The following CNTNAP4 variants were observed in gnomAD, a reference collection of about 807,000 sequenced individuals.
CNTNAP4 encodes contactin-associated protein-like 4.
Under a neutral mutation model 148.4 loss-of-function variants are expected in CNTNAP4, and 98 were observed. That is an observed-to-expected ratio of 0.66 (90% CI 0.56 to 0.78). The LOEUF (loss-of-function observed/expected upper bound fraction) is 0.78. Among genes scored for constraint, CNTNAP4 ranks in the 30% least tolerant of loss-of-function variants. The pLI, the probability that CNTNAP4 is intolerant of heterozygous loss-of-function variation, is 0.00. For synonymous variants in CNTNAP4, 730 were observed against 565.1 expected (o/e 1.29, Z -4.14); for missense variants, 1,935 against 1,565.6 (o/e 1.24, Z -3.98).
At chr16:76,529,078 G>A (rs550330185) in intron 17 of CNTNAP4, among the ~76,000 whole-genome samples, 2 of 152,276 alleles carry the variant, frequency 1.3e-5, no homozygotes, top group African/African-American at 4.8e-5. Flanking sequence ...GAGCAGCAAC[G>A]CAATGAACAT....
intron 13 of CNTNAP4, among the ~76,000 whole-genome samples, chr16:76,491,305 G>A (rs550348229): frequency 2.6e-5 from 4 of 152,338 alleles, no homozygotes; most frequent in African/African-American, 9.6e-5. Flanking sequence ...AGGATTTACA[G>A]CTGGAGGTGT....
intron 3 of CNTNAP4, among the ~76,000 whole-genome samples, chr16:76,377,013 G>C (rs1168003499): frequency 6.6e-6 from 1 of 151,310 alleles, no homozygotes; most frequent in Non-Finnish European, 1.5e-5. Flanking sequence ...TTAAGGAGTT[G>C]GCTCGTGCAA....
At chr16:76,461,123 CT>C (rs1211777723) in intron 8 of CNTNAP4, among the ~76,000 whole-genome samples, 1 of 152,078 alleles carries the variant, frequency 6.6e-6, no homozygotes, top group Non-Finnish European at 1.5e-5. Context: ...ACATCACAGC[CT>C]TCTTGCTCTT....
intron 1 of CNTNAP4, among the ~76,000 whole-genome samples, chr16:76,290,516 G>C (rs1421393712): frequency 6.6e-6 from 1 of 152,148 alleles, no homozygotes; most frequent in Non-Finnish European, 1.5e-5. Context: ...TTTCTCCTCT[G>C]AGTGTACACT....
At chr16:76,541,092 A>G (rs1476281183) in intron 21 of CNTNAP4, among the ~76,000 whole-genome samples, 2 of 152,230 alleles carry the variant, frequency 1.3e-5, no homozygotes, top group African/African-American at 2.4e-5. Context: ...AATTGAAAAT[A>G]AAAAATAACA....
intron 3 of CNTNAP4, among the ~76,000 whole-genome samples, chr16:76,381,543 C>A (rs746973932): frequency 2.0e-5 from 3 of 152,046 alleles, no homozygotes; most frequent in Admixed American, 6.6e-5. Flanking sequence ...TTCAGGTGAT[C>A]GTCAATTTCA....
intron 3 of CNTNAP4, among the ~76,000 whole-genome samples, chr16:76,375,708 C>T (rs1415419000): frequency 6.6e-6 from 1 of 152,158 alleles, no homozygotes; most frequent in African/African-American, 2.4e-5. Flanking sequence ...ACATCATGAA[C>T]ACATTGTCTC....
chr16:76,410,191 G>C (rs764529881), intron 3 of CNTNAP4, among the ~76,000 whole-genome samples: 12 of 151,758 alleles, frequency 7.9e-5, no homozygotes, highest in Middle Eastern at 3.4e-3. Context: ...AGGGCTTGAA[G>C]GGAGTATTAA....
chr16:76,547,313 T>C (rs1440642496), intron 21 of CNTNAP4, among the ~76,000 whole-genome samples: 2 of 152,212 alleles, frequency 1.3e-5, no homozygotes, highest in Non-Finnish European at 2.9e-5. Context: ...CATAATCTTA[T>C]TAAAGTTGTA....
At chr16:76,513,611 A>T (rs888313030) in intron 15 of CNTNAP4, among the ~76,000 whole-genome samples, 1 of 152,168 alleles carries the variant, frequency 6.6e-6, no homozygotes, top group Non-Finnish European at 1.5e-5. Flanking sequence ...TTTTCTATAC[A>T]TGGAAAAATA....
chr16:76,277,851 C>T, intron 1 of CNTNAP4, 104 bp downstream of exon 1: 5 of 752,850 alleles, frequency 6.6e-6, no homozygotes, highest in Middle Eastern at 2.3e-4. Flanking sequence ...TGCTGCAAAG[C>T]GTATTGCTGT....
chr16:76,334,008 A>G (rs1027224132), intron 2 of CNTNAP4, among the ~76,000 whole-genome samples: 52 of 151,806 alleles, frequency 3.4e-4, no homozygotes, highest in Admixed American at 5.9e-4. Flanking sequence ...CTGATGGCCA[A>G]TGATGATGAG....
At chr16:76,451,524 G>T (rs1447408862) in intron 7 of CNTNAP4, among the ~76,000 whole-genome samples, 1 of 151,462 alleles carries the variant, frequency 6.6e-6, no homozygotes, top group Non-Finnish European at 1.5e-5. Context: ...GACCACAACA[G>T]CCAGCAAGAT....
At chr16:76,361,208 A>G (rs1032440349) in intron 3 of CNTNAP4, among the ~76,000 whole-genome samples, 4 of 152,138 alleles carry the variant, frequency 2.6e-5, no homozygotes, top group Non-Finnish European at 5.9e-5. Flanking sequence ...AATACTGTTC[A>G]CTATAAGCAC....
intron 13 of CNTNAP4, among the ~76,000 whole-genome samples, chr16:76,490,580 A>ATC (rs1363245211): frequency 3.9e-5 from 6 of 152,188 alleles, no homozygotes; most frequent in Admixed American, 1.3e-4. Flanking sequence ...CTAGCTTGTC[A>ATC]TCTCTTCACA....
At chr16:76,450,048 ATTATT>A (rs756995177) in intron 7 of CNTNAP4, among the ~76,000 whole-genome samples, 190 bp downstream of exon 7, 5 of 152,104 alleles carry the variant, frequency 3.3e-5, no homozygotes, top group African/African-American at 4.8e-5. Flanking sequence ...TGGGGGCATA[ATTATT>A]TTATTTTTAT....
At chr16:76,465,006 G>T (rs2081125712) in intron 9 of CNTNAP4, among the ~76,000 whole-genome samples, 1 of 152,098 alleles carries the variant, frequency 6.6e-6, no homozygotes, top group Non-Finnish European at 1.5e-5. Context: ...GCACAATCTG[G>T]GGATACTGTG....
chr16:76,408,662 A>G (rs1383043706), intron 3 of CNTNAP4, among the ~76,000 whole-genome samples: 1 of 152,112 alleles, frequency 6.6e-6, no homozygotes, highest in East Asian at 1.9e-4. Flanking sequence ...AATCTAAAGA[A>G]GTGAACAATA....
chr16:76,400,193 T>A (rs2078359301), intron 3 of CNTNAP4, among the ~76,000 whole-genome samples: 1 of 152,180 alleles, frequency 6.6e-6, no homozygotes, highest in South Asian at 2.1e-4. Flanking sequence ...TTTAAGAATT[T>A]GCCTTTAGAT....
Sources: gnomAD v4.1 joint callset for allele counts (sites outside exome capture counted in the v4.1 genomes callset) on GRCh38, gnomAD v4.1.1 for gene constraint, MANE v1.5 for transcripts, NCBI Gene and HGNC (gene_info 2026-07-23, HGNC 2026-07-21) for gene names.